Variants in CDH4 observed in about 807,000 individuals in gnomAD.
CDH4 encodes the protein cadherin-4.
Under a neutral mutation model 86.0 loss-of-function variants are expected in CDH4, and 33 were observed. The ratio of observed to expected loss-of-function variants is 0.38; its 90% CI spans 0.29 to 0.51. The LOEUF is 0.51. Ranked by LOEUF, CDH4 falls within the 20% of genes least tolerant of loss-of-function variation. CDH4 has a pLI of 0.86. For missense variants in CDH4, 1,114 were observed against 1,307.4 expected (o/e 0.85, Z 2.28); for synonymous variants, 555 against 549.4 (o/e 1.01, Z -0.14).
intron 2 of CDH4, among the ~76,000 whole-genome samples, chr20:61,656,286 C>CGCGTGCTGGGGTGGGCAGGT: frequency 4.1e-5 from 4 of 98,596 alleles, no homozygotes; most frequent in Non-Finnish European, 5.7e-5. Context: ...GGTGGGCAGG[C>CGCGTGCTGGGGTGGGCAGGT]GCGTGCTGGG....
intron 2 of CDH4, among the ~76,000 whole-genome samples, chr20:61,545,567 C>T (rs1440820649): frequency 6.6e-6 from 1 of 152,226 alleles, no homozygotes; most frequent in African/African-American, 2.4e-5. Context: ...CTACTGCTGA[C>T]GTGGACTTTT....
At chr20:61,429,479 A>G (rs776122411) in intron 2 of CDH4, among the ~76,000 whole-genome samples, 21 of 152,332 alleles carry the variant, frequency 1.4e-4, no homozygotes, top group Non-Finnish European at 2.4e-4. Context: ...TCTCCAGTAC[A>G]GGGCAGCAAA....
chr20:61,717,755 TG>T (rs973872007), intron 2 of CDH4: 1 of 152,330 alleles, frequency 6.6e-6, no homozygotes, highest in Non-Finnish European at 1.5e-5. Context: ...CCCAACGTGC[TG>T]GGATGACAGG....
chr20:61,669,412 G>A (rs1331706612), intron 2 of CDH4, among the ~76,000 whole-genome samples: 1 of 152,216 alleles, frequency 6.6e-6, no homozygotes, highest in African/African-American at 2.4e-5. Flanking sequence ...GGCCTTGGAG[G>A]GAGAATGCAC....
intron 2 of CDH4, among the ~76,000 whole-genome samples, chr20:61,469,464 C>T (rs1343842519): frequency 6.6e-6 from 1 of 152,108 alleles, no homozygotes; most frequent in Non-Finnish European, 1.5e-5. Flanking sequence ...TTACTAATCC[C>T]TTGTCAGGTG....
intron 2 of CDH4, among the ~76,000 whole-genome samples, chr20:61,595,121 G>A (rs1250094454): frequency 6.6e-6 from 1 of 152,208 alleles, no homozygotes; most frequent in East Asian, 1.9e-4. Context: ...GACCTGTGCA[G>A]CGCCCCAGGA....
At chr20:61,546,159 G>T (rs112583962) in intron 2 of CDH4, among the ~76,000 whole-genome samples, 19 of 85,454 alleles carry the variant, frequency 2.2e-4, no homozygotes, top group South Asian at 8.9e-4. Flanking sequence ...CATTCGTGAG[G>T]GTGTGTGCCT....
At chr20:61,570,795 T>C in intron 2 of CDH4, 1 of 702,218 alleles carries the variant, frequency 1.4e-6, no homozygotes, top group Non-Finnish European at 2.6e-6. Flanking sequence ...TAAATGCTAA[T>C]TACCTTCTCT....
At chr20:61,387,519 G>A (rs1283426754) in intron 2 of CDH4, among the ~76,000 whole-genome samples, 2 of 151,344 alleles carry the variant, frequency 1.3e-5, no homozygotes, top group Non-Finnish European at 2.9e-5. Flanking sequence ...CACACATATA[G>A]CCACACAAAC....
intron 2 of CDH4, among the ~76,000 whole-genome samples, chr20:61,277,972 C>T (rs996748229): frequency 6.6e-6 from 1 of 152,188 alleles, no homozygotes; most frequent in African/African-American, 2.4e-5. Context: ...CAGCCCCTGG[C>T]GTTGATCTCA....
At chr20:61,456,562 C>T (rs147935955) in intron 2 of CDH4, among the ~76,000 whole-genome samples, 57 of 152,298 alleles carry the variant, frequency 3.7e-4, no homozygotes, top group East Asian at 3.5e-3. Flanking sequence ...AATTCACCCA[C>T]GTGGTTGAAA....
At chr20:61,927,564 C>T (rs2055057914) in intron 11 of CDH4, among the ~76,000 whole-genome samples, 1 of 152,236 alleles carries the variant, frequency 6.6e-6, no homozygotes, top group Admixed American at 6.5e-5. Context: ...CGTCTGGGCT[C>T]AGGGCTTCCA....
chr20:61,302,537 T>C (rs980407951), intron 2 of CDH4, among the ~76,000 whole-genome samples: 10 of 147,346 alleles, frequency 6.8e-5, no homozygotes, highest in African/African-American at 2.5e-4. Flanking sequence ...AATGGGAGGG[T>C]CTGACTGAGG....
chr20:61,839,132 T>C (rs1982018989), intron 4 of CDH4, among the ~76,000 whole-genome samples: 1 of 152,248 alleles, frequency 6.6e-6, no homozygotes, highest in Admixed American at 6.5e-5. Context: ...AAGAATTACA[T>C]CCTTCTGGAA....
intron 2 of CDH4, among the ~76,000 whole-genome samples, chr20:61,462,334 T>C (rs1055381995): frequency 6.6e-6 from 1 of 152,224 alleles, no homozygotes; most frequent in Non-Finnish European, 1.5e-5. Flanking sequence ...TGGGGTGACC[T>C]GGTGCATTGC....
chr20:61,686,479 GC>G (rs1390698745), intron 2 of CDH4, among the ~76,000 whole-genome samples: 1 of 148,426 alleles, frequency 6.7e-6, no homozygotes, highest in African/African-American at 2.6e-5. Context: ...GTGTATATGT[GC>G]GTGTGTGTGC....
intron 2 of CDH4, among the ~76,000 whole-genome samples, chr20:61,566,908 G>T (rs1304876756): frequency 6.6e-6 from 1 of 152,140 alleles, no homozygotes; most frequent in Non-Finnish European, 1.5e-5. Flanking sequence ...GGAATGGACT[G>T]CGTGTCTTCC....
intron 2 of CDH4, among the ~76,000 whole-genome samples, chr20:61,578,785 G>T (rs899182355): frequency 1.3e-5 from 2 of 152,104 alleles, no homozygotes; most frequent in Admixed American, 6.6e-5. Context: ...CTCTCATCCG[G>T]TCCATTCTGC....
At chr20:61,300,188 G>A (rs1164635250) in intron 2 of CDH4, among the ~76,000 whole-genome samples, 1 of 152,160 alleles carries the variant, frequency 6.6e-6, no homozygotes, top group East Asian at 1.9e-4. Flanking sequence ...CAGGGGAGAG[G>A]CAGGTGTGCC....
Sources: allele counts gnomAD v4.1 joint callset (sites outside exome capture counted in the v4.1 genomes callset), GRCh38; gene constraint gnomAD v4.1.1; transcripts MANE v1.5; gene names NCBI Gene and HGNC (gene_info 2026-07-23, HGNC 2026-07-21).